MYBL1: variants seen among roughly 807,000 people sequenced by gnomAD.
MYBL1 encodes myb-related protein A.
A neutral mutation model predicts 96.3 loss-of-function variants in MYBL1; 17 were observed. That is an observed-to-expected ratio of 0.18 (90% CI 0.12 to 0.26). The LOEUF is 0.26. MYBL1 is among the 10% of genes least tolerant of loss of function. MYBL1 has a pLI of 1.00. For missense variants in MYBL1, 701 were observed against 882.9 expected (o/e 0.79, Z 2.61); for synonymous variants, 282 against 292.7 (o/e 0.96, Z 0.37).
At chr8:66,612,314 C>T (rs1241422203) in intron 1 of MYBL1, 1 of 156,778 alleles carries the variant, frequency 6.4e-6, no homozygotes, top group Non-Finnish European at 1.4e-5. Flanking sequence ...GTCCTCTCAG[C>T]TATTCCCCAG....
intron 12 of MYBL1, among the ~76,000 whole-genome samples, chr8:66,567,971 C>G (rs369708268): frequency 6.7e-6 from 1 of 150,098 alleles, no homozygotes; most frequent in East Asian, 2.0e-4. Flanking sequence ...TGCTTGAACC[C>G]AGGAGGCAGA....
At chr8:66,591,359 A>T (rs960807008) in intron 8 of MYBL1, among the ~76,000 whole-genome samples, 8 of 151,490 alleles carry the variant, frequency 5.3e-5, no homozygotes, top group South Asian at 2.1e-4. Context: ...AAAAAAAAAA[A>T]TTTTTTTTTA....
intron 8 of MYBL1, among the ~76,000 whole-genome samples, chr8:66,591,696 G>A (rs1282228142): frequency 6.6e-6 from 1 of 151,910 alleles, no homozygotes; most frequent in Non-Finnish European, 1.5e-5. Flanking sequence ...AATTTTCAAA[G>A]AGAATAAAAA....
chr8:66,607,837 C>A (rs917103640), intron 1 of MYBL1, among the ~76,000 whole-genome samples: 1 of 152,142 alleles, frequency 6.6e-6, no homozygotes, highest in African/African-American at 2.4e-5. Context: ...AGAAATGCCA[C>A]CAGCAACATT....
chr8:66,564,677 T>A lies in MYBL1; in HGVS notation c.*20A>T. 1 of 1,549,148 alleles carries A rather than the reference T, an allele frequency of 6.5e-7. No individual in the cohort carries two copies. Among genetic ancestry groups the A allele is most frequent in the Non-Finnish European group, 8.8e-7 (1 of 1,142,510 alleles). On this transcript the variant is annotated 3_prime_UTR_variant, in exon 16 of 16. Coordinates refer to ENST00000522677, the MANE Select transcript of MYBL1 (RefSeq NM_001080416.4). ...AGACTGCAGTAAGGGAGTGGGGCAT[T>A]TCATCAATTTTAATAACAATTACAG...
chr8:66,597,138 T>C (rs1480122839), intron 5 of MYBL1, among the ~76,000 whole-genome samples, 192 bp downstream of exon 5: 1 of 152,144 alleles, frequency 6.6e-6, no homozygotes, highest in Non-Finnish European at 1.5e-5. Context: ...AAATAATTCA[T>C]TAAAAAAGTA....
intron 8 of MYBL1, among the ~76,000 whole-genome samples, chr8:66,588,607 C>T (rs1809513908): frequency 6.6e-6 from 1 of 151,970 alleles, no homozygotes; most frequent in South Asian, 2.1e-4. Flanking sequence ...TAATGAAATT[C>T]TACCCACTTA....
intron 8 of MYBL1, 106 bp from the exon 9 acceptor site, chr8:66,580,472 T>C: frequency 1.4e-6 from 1 of 720,084 alleles, no homozygotes; most frequent in Non-Finnish European, 2.2e-6. Flanking sequence ...AGCAAATATT[T>C]TGTCTTTCCT....
chr8:66,612,928 A>G lies in MYBL1; in HGVS notation c.-90T>C, dbSNP rs1810592891. The stretch of plus-strand genomic sequence containing the variant: ...GAATGCTCCTTCTCCCCGATCCTCT[A>G]GCCGCTTCCCTCGCTCCCTCTGGAG... On this transcript the variant is annotated 5_prime_UTR_variant, in exon 1 of 16. Transcript: ENST00000522677. 3 of 1,283,412 alleles carry G rather than the reference A, an allele frequency of 2.3e-6. No homozygotes were observed. Among genetic ancestry groups the G allele is most frequent in the African/African-American group, 3.0e-5 (2 of 65,712 alleles). The allele number at this position is 1,283,412 out of a possible 1,614,324, so 79.5% of individuals were successfully genotyped here. A position where few individuals can be genotyped will look rare whatever the true frequency, so the allele number is the denominator to read the frequency against.
intron 9 of MYBL1, 83 bp downstream of exon 9, chr8:66,580,050 G>A: frequency 9.8e-7 from 1 of 1,021,814 alleles, no homozygotes; most frequent in Non-Finnish European, 1.4e-6. Flanking sequence ...CATAAAACTG[G>A]TCAATGTCCA....
chr8:66,574,526 T>C (rs543203087), intron 10 of MYBL1, among the ~76,000 whole-genome samples: 1 of 152,328 alleles, frequency 6.6e-6, no homozygotes, highest in East Asian at 1.9e-4. Flanking sequence ...TTCTGCCAGA[T>C]CCTGCTTATC....
chr8:66,583,531 G>A (rs1203417627), intron 8 of MYBL1, among the ~76,000 whole-genome samples: 2 of 151,628 alleles, frequency 1.3e-5, no homozygotes, highest in African/African-American at 4.8e-5. Context: ...GAAATGAGAA[G>A]TTGACTTTTT....
chr8:66,606,293 T>C (rs191053463), intron 1 of MYBL1, among the ~76,000 whole-genome samples: 2 of 152,330 alleles, frequency 1.3e-5, no homozygotes, highest in Admixed American at 6.5e-5. Flanking sequence ...AGAAAACATA[T>C]ATAACACCTC....
At chr8:66,606,638 C>T (rs1037493714) in intron 1 of MYBL1, among the ~76,000 whole-genome samples, 11 of 152,176 alleles carry the variant, frequency 7.2e-5, no homozygotes, top group African/African-American at 2.4e-4. Flanking sequence ...CAAAATTCTT[C>T]ATATTTGACC....
At chr8:66,565,998 G>T in intron 15 of MYBL1, 66 bp downstream of exon 15, 1 of 1,089,088 alleles carries the variant, frequency 9.2e-7, no homozygotes, top group Non-Finnish European at 1.3e-6. Flanking sequence ...TTTGTGATCA[G>T]TAAATCCAAA....
Position 66,576,094 on chromosome 8 carries a change from G to A in MYBL1, c.1383C>T (p.Ser461=), listed in dbSNP as rs773158414. 84 of 1,613,788 alleles carry A rather than the reference G, an allele frequency of 5.2e-5. No individual in the cohort carries two copies. Among genetic ancestry groups the A allele is most frequent in the Non-Finnish European group, 6.7e-5 (79 of 1,179,870 alleles). ...CGTTCAATGAGCCATCCCTAAGTTC[G>A]CTGCCTGGGGAATGACCCACTCGCA... The part of the protein sequence containing the change: ...RKMRVGHSPG[S]ELRDGSLNDG... Residue 461 remains serine, a synonymous_variant, in exon 10 of 16, where the codon AGC becomes AGT. Transcript: ENST00000522677.
intron 8 of MYBL1, among the ~76,000 whole-genome samples, chr8:66,584,813 G>A (rs889546291): frequency 3.3e-5 from 5 of 151,784 alleles, no homozygotes; most frequent in Non-Finnish European, 5.9e-5. Flanking sequence ...AATAAAATAC[G>A]TAGGATAAAT....
At chr8:66,580,009 A>G (rs998262221) in intron 9 of MYBL1, 124 bp downstream of exon 9, 5 of 701,018 alleles carry the variant, frequency 7.1e-6, no homozygotes, top group Non-Finnish European at 4.6e-6. Flanking sequence ...ACTGCAAAAT[A>G]TCAGAACAAA....
At chr8:66,567,242 G>A (rs1357132348) in intron 12 of MYBL1, among the ~76,000 whole-genome samples, 1 of 152,148 alleles carries the variant, frequency 6.6e-6, no homozygotes, top group Non-Finnish European at 1.5e-5. Context: ...GGAAACCACT[G>A]TAGCTCCTGC....
Sources: allele counts gnomAD v4.1 joint callset (sites outside exome capture counted in the v4.1 genomes callset), GRCh38; gene constraint gnomAD v4.1.1; transcripts MANE v1.5; gene names NCBI Gene and HGNC (gene_info 2026-07-23, HGNC 2026-07-21).